Variants in ZNF333 observed in about 807,000 individuals in gnomAD.
ZNF333 encodes zinc finger protein 333.
ZNF333 carries 61 observed loss-of-function variants against 76.1 expected under a neutral mutation model. The ratio of observed to expected loss-of-function variants is 0.80; its 90% CI spans 0.65 to 0.99. ZNF333 has a LOEUF of 0.99. Ranked by LOEUF, ZNF333 falls within the 50% of genes least tolerant of loss-of-function variation. ZNF333 has a pLI of 0.00. For synonymous variants in ZNF333, 284 were observed against 305.0 expected (o/e 0.93, Z 0.72); for missense variants, 717 against 822.4 (o/e 0.87, Z 1.57).
At chr19:14,710,171 A>G (rs1485277714) in intron 7 of ZNF333, among the ~76,000 whole-genome samples, 3 of 152,168 alleles carry the variant, frequency 2.0e-5, no homozygotes, top group Admixed American at 6.5e-5. Flanking sequence ...CAGGAAAAGA[A>G]CCTTGGCCCA....
At chr19:14,722,168 A>T (rs1433580159), downstream of ZNF333, among the ~76,000 whole-genome samples, 1 of 152,232 alleles carries the variant, frequency 6.6e-6, no homozygotes, top group Non-Finnish European at 1.5e-5. Flanking sequence ...CATATTCTTG[A>T]TAAGTAATGA....
At chr19:14,728,292 A>C (rs1040069500) in intron 11 of ZNF333, among the ~76,000 whole-genome samples, 2 of 152,194 alleles carry the variant, frequency 1.3e-5, no homozygotes, top group Non-Finnish European at 2.9e-5. Flanking sequence ...TAATTCTTCG[A>C]ATATTTTTTC....
chr19:14,719,255 G>C lies in ZNF333; in HGVS notation c.1928G>C (p.Arg643Thr), dbSNP rs780638440. 20 of 1,614,098 alleles carry C rather than the reference G, an allele frequency of 1.2e-5. No homozygotes were observed. Among genetic ancestry groups the C allele is most frequent in the Non-Finnish European group, 1.6e-5 (19 of 1,180,044 alleles). ...GTACACAAAAGAACCCATGTGGGAA[G>C]AGAGACCATTAGGAATGGCAGCCTG... ...LTVHKRTHVGRETIRNGSLPL... is the reference protein window; with the variant it reads ...LTVHKRTHVGTETIRNGSLPL... Residue 643 changes from arginine (R) to threonine (T), a missense_variant, in exon 12 of 12, where the codon AGA becomes ACA. Coordinates refer to ENST00000292530, the MANE Select transcript of ZNF333 (RefSeq NM_032433.4).
At chr19:14,710,133 C>G (rs992264767) in intron 7 of ZNF333, among the ~76,000 whole-genome samples, 5 of 152,328 alleles carry the variant, frequency 3.3e-5, no homozygotes, top group African/African-American at 1.2e-4. Context: ...GAAGAAGCAG[C>G]TTCCAGATTG....
At chr19:14,706,925 T>C (rs1171962790) in intron 7 of ZNF333, 152 bp downstream of exon 7, 1 of 604,942 alleles carries the variant, frequency 1.7e-6, no homozygotes, top group East Asian at 3.1e-5. Context: ...CTCTCATTAT[T>C]TGTGTGTTTA....
Position 14,721,280 on chromosome 19 carries a change from C to CTTTTTTTTTT in ZNF333, c.*1971_*1980dup, listed in dbSNP as rs56066058. ...GGACTAGTCTCCATTTTTACTTGTT[C>CTTTTTTTTTT]TTTTTTTTTTTTTTTTTTTTTTTTT... On this transcript the variant is annotated 3_prime_UTR_variant, in exon 12 of 12. Transcript: ENST00000292530. 19 of 87,856 alleles carry CTTTTTTTTTT rather than the reference C, an allele frequency of 2.2e-4. 1 individual carries two copies. Among genetic ancestry groups the CTTTTTTTTTT allele is most frequent in the East Asian group, 3.7e-4 (1 of 2,710 alleles). 5.4% of individuals were successfully genotyped at this position (87,856 alleles called of 1,614,324 possible).
chr19:14,707,176 G>A (rs10403628), intron 7 of ZNF333: 108,944 of 155,394 alleles, frequency 0.7, 39,472 homozygotes, highest in African/African-American at 0.87. Context: ...AGGCCTAGGC[G>A]GGAGGATTGC....
rs2042516500 is a variant in ZNF333, at chr19:14,718,831, A to G, written c.1504A>G (p.Arg502Gly). Residue 502 changes from arginine to glycine, a missense_variant, in exon 12 of 12, where the codon AGA becomes GGA. Arg to Gly is a moderately radical substitution (Grantham distance 125). Transcript: ENST00000292530. The part of the protein sequence containing the change: ...SLKTHLRTHT[R>G]EKPYECNQCG... Reference sequence around the variant, plus strand: ...GAAGACACATCTGCGAACCCATACCAGAGAGAAACCATATGAATGCAACCA... The same window carrying G: ...GAAGACACATCTGCGAACCCATACCGGAGAGAAACCATATGAATGCAACCA... The G allele has an allele frequency of 6.2e-7, 1 of 1,614,036 alleles. No individual in the cohort carries two copies. The highest frequency in any genetic ancestry group is 8.5e-7 in the Non-Finnish European group (1 of 1,179,992).
At chr19:14,703,222 A>C (rs8107799) in intron 5 of ZNF333, among the ~76,000 whole-genome samples, 4,558 of 150,434 alleles carry the variant, frequency 0.03, 231 homozygotes, top group African/African-American at 0.097. Flanking sequence ...AAAAAAAAAA[A>C]CCATCAGATC....
intron 5 of ZNF333, among the ~76,000 whole-genome samples, chr19:14,701,299 C>T (rs367866121): frequency 1.3e-5 from 2 of 152,148 alleles, no homozygotes; most frequent in African/African-American, 4.8e-5. Flanking sequence ...TGCACTGGCA[C>T]GATCATAGCT....
At chr19:14,727,270 C>T (rs973000586) in intron 11 of ZNF333, among the ~76,000 whole-genome samples, 6 of 152,074 alleles carry the variant, frequency 3.9e-5, no homozygotes, top group East Asian at 3.8e-4. Flanking sequence ...CCTTGTGATC[C>T]GCCCGCCTTG....
At position 14,716,196 on chromosome 19, in the gene ZNF333, A is replaced by G. The variant is rs1419195723; in HGVS notation, c.685A>G (p.Arg229Gly). The change falls in exon 9 of 12, where the codon AGA (arginine) becomes GGA (glycine). Residue 229 changes from arginine (R) to glycine (G), a missense_variant. Physicochemically the swap from Arg to Gly is moderately radical, Grantham distance 125. Coordinates refer to ENST00000292530, the MANE Select transcript of ZNF333 (RefSeq NM_032433.4). ...FLDSTQRSLYRDVMLENYRNL... is the reference protein window; with the variant it reads ...FLDSTQRSLYGDVMLENYRNL... ...GGACTCTACTCAGAGGAGCCTGTAT[A>G]GAGATGTGATGCTGGAGAACTACAG... 3 of 1,613,886 alleles carry G rather than the reference A, an allele frequency of 1.9e-6. No homozygotes were observed. Among genetic ancestry groups the G allele is most frequent in the South Asian group, 2.2e-5 (2 of 91,068 alleles).
intron 5 of ZNF333, among the ~76,000 whole-genome samples, chr19:14,700,030 G>A (rs1166014127): frequency 6.6e-6 from 1 of 151,386 alleles, no homozygotes; most frequent in Admixed American, 6.6e-5. Context: ...TAAAAGACAG[G>A]GTCTTGCTCT....
chr19:14,731,293 C>A (rs1393850415), exon 12 of ZNF333: 3 of 1,138,078 alleles, frequency 2.6e-6, no homozygotes, highest in Non-Finnish European at 2.5e-6. Context: ...TCCAAATCTG[C>A]AGATTCTGAA....
chr19:14,708,463 G>C, intron 7 of ZNF333: 1 of 397,536 alleles, frequency 2.5e-6, no homozygotes, highest in Non-Finnish European at 4.4e-6. Context: ...AGAGTCCAGT[G>C]GAAGTGTGTT....
intron 2 of ZNF333, among the ~76,000 whole-genome samples, chr19:14,694,569 G>T (rs1387597295): frequency 6.6e-6 from 1 of 152,164 alleles, no homozygotes; most frequent in Non-Finnish European, 1.5e-5. Flanking sequence ...GGGATCCCAG[G>T]GACTTCACAG....
At position 14,705,089 on chromosome 19, in the gene ZNF333, CTCCA is replaced by C; in HGVS notation, c.344_347del (p.Ser115Ter). 2.5e-6 allele frequency: 4 copies of C among 1,614,074 alleles called. No individual in the cohort carries two copies. The highest frequency in any genetic ancestry group is 3.4e-6 in the Non-Finnish European group (4 of 1,179,974). The stretch of plus-strand genomic sequence containing the variant: ...TGTTCCTGAGGATGCAGCTGGTGCC[CTCCA>C]TAGAAGAGAGGGAGACACCATTGAC... On this transcript the variant is annotated frameshift_variant, in exon 6 of 12. Transcript: ENST00000292530. LOFTEE classifies it high-confidence loss of function.
At chr19:14,711,543 C>A (rs1490213799) in intron 7 of ZNF333, among the ~76,000 whole-genome samples, 1 of 152,074 alleles carries the variant, frequency 6.6e-6, no homozygotes, top group Non-Finnish European at 1.5e-5. Context: ...TTGTGTGCAC[C>A]TGTGGTCTCG....
At chr19:14,692,378 C>T (rs923680973) in intron 1 of ZNF333, among the ~76,000 whole-genome samples, 3 of 152,062 alleles carry the variant, frequency 2.0e-5, no homozygotes, top group African/African-American at 4.8e-5. Context: ...TCAGGCAGTA[C>T]GAAGCCTGCT....
Sources: gnomAD v4.1 joint callset for allele counts (sites outside exome capture counted in the v4.1 genomes callset) on GRCh38, gnomAD v4.1.1 for gene constraint, MANE v1.5 for transcripts, NCBI Gene and HGNC (gene_info 2026-07-23, HGNC 2026-07-21) for gene names.